MGAM: variants seen among roughly 807,000 people sequenced by gnomAD.
MGAM encodes alpha-1,4-glucosidase.
In MGAM, 253 loss-of-function variants were observed where a neutral mutation model predicts 358.8. That is an observed-to-expected ratio of 0.71 (90% confidence interval 0.64 to 0.78). The LOEUF is 0.78. MGAM is among the 30% of genes least tolerant of loss of function. The probability of loss-of-function intolerance (pLI) is 0.00; values close to 1 mark genes in which losing one functional copy is unlikely to be tolerated. For missense variants in MGAM, 3,080 were observed against 3,432.6 expected, an observed-to-expected ratio of 0.90 and a Z score of 2.57; for synonymous variants, 1,105 against 1,227.1, an observed-to-expected ratio of 0.90 and a Z score of 2.08.
chr7:142,084,859 AG>A (rs1254994056), intron 54 of MGAM, among the ~76,000 whole-genome samples: 1 of 146,564 alleles, frequency 6.8e-6, no homozygotes, highest in Non-Finnish European at 1.5e-5. Context: ...GATTTCCCAG[AG>A]GGGGAGATAA....
At chr7:142,045,178 A>AACATATGTGTATATAATATATATTATAT (rs1809940144) in intron 21 of MGAM, among the ~76,000 whole-genome samples, 1 of 55,526 alleles carries the variant, frequency 1.8e-5, no homozygotes, top group Non-Finnish European at 3.3e-5. Context: ...TATATTATAT[A>AACATATGTGTATATAATATATATTATAT]ACATATATGA....
chr7:142,052,392 T>C lies in MGAM; in HGVS notation c.2904T>C (p.Pro968=), dbSNP rs752725232. Residue 968 remains proline, a synonymous_variant, in exon 25 of 71, where the codon CCT becomes CCC. Coordinates refer to ENST00000475668, the MANE Select transcript of MGAM (RefSeq NM_001365693.1). Reference sequence around the variant, plus strand: ...ATGAAGAAAAAATAGACTGTTACCCTGATGAGAATGGTGCTTCTGCCGAAA... The same window carrying C: ...ATGAAGAAAAAATAGACTGTTACCCCGATGAGAATGGTGCTTCTGCCGAAA... The part of the protein sequence containing the change: ...IRDEEKIDCY[P]DENGASAENC... The C allele has an allele frequency of 2.0e-5, 33 of 1,613,242 alleles. No individual in the cohort carries two copies. The highest frequency in any genetic ancestry group is 2.8e-5 in the Non-Finnish European group (33 of 1,179,602).
Position 142,102,629 on chromosome 7 carries a change from G to A in MGAM, c.7964-1G>A. ...ATGTTTATCTTGTTTTTTGTTTGCA[G>A]ATACCTATGGGAAAGGACTCTATTA... On this transcript the variant is annotated splice_acceptor_variant, in intron 68 of 70. Coordinates refer to ENST00000475668, the MANE Select transcript of MGAM (RefSeq NM_001365693.1). LOFTEE classifies it high-confidence loss of function. 1 of 1,613,128 alleles carries A rather than the reference G, an allele frequency of 6.2e-7. No individual in the cohort carries two copies. Among genetic ancestry groups the A allele is most frequent in the Non-Finnish European group, 8.5e-7 (1 of 1,179,520 alleles).
rs138160200 is a variant in MGAM, at chr7:142,029,902, A to G, written c.1222-460A>G. ...TTTATACAGGTAAAATTGGGATAGC[A>G]TAAACAACAAAGATGTGGGGTAGAA... On this transcript the variant is annotated intron_variant, in intron 10 of 70. Transcript: ENST00000475668. Among the ~76,000 whole-genome samples the G allele has an allele frequency of 6.6e-3, 1,003 of 152,364 alleles. 11 individuals carry two copies. Among genetic ancestry groups the G allele is most frequent in the African/African-American group, 0.023 (957 of 41,588 alleles).
intron 2 of MGAM, among the ~76,000 whole-genome samples, chr7:142,007,635 G>T (rs1554452885): frequency 6.6e-6 from 1 of 152,036 alleles, no homozygotes; most frequent in African/African-American, 2.4e-5. Flanking sequence ...TTAATTTATT[G>T]CAGAATACCT....
chr7:142,002,718 G>A (rs781864851), intron 1 of MGAM, among the ~76,000 whole-genome samples: 3 of 151,996 alleles, frequency 2.0e-5, no homozygotes, highest in Non-Finnish European at 4.4e-5. Context: ...TATAGTACTG[G>A]GAGTCCTAGC....
chr7:142,044,921 C>A (rs1466099927), intron 21 of MGAM, among the ~76,000 whole-genome samples: 17 of 84,002 alleles, frequency 2.0e-4, no homozygotes, highest in African/African-American at 7.4e-4. Context: ...ATATTATATA[C>A]ACGTGTAATA....
At chr7:142,090,645 T>C (rs1009058349) in intron 57 of MGAM, among the ~76,000 whole-genome samples, 1 of 145,882 alleles carries the variant, frequency 6.9e-6, no homozygotes, top group Non-Finnish European at 1.6e-5. Flanking sequence ...GTGTAAGAAC[T>C]GGAGTTCCCC....
rs868844909 is a variant in MGAM, at chr7:142,041,976, A to G, written c.2498+1130A>G. ...TATATATAATATATATATATTATAT[A>G]TATATAATATAATATATATATATTA... is the stretch of plus-strand genomic sequence containing the variant. On this transcript the variant is annotated intron_variant, in intron 21 of 70. Transcript: ENST00000475668. Among the ~76,000 whole-genome samples, 201 of 26,472 alleles carry G rather than the reference A, an allele frequency of 7.6e-3. 4 individuals carry two copies. The highest frequency in any genetic ancestry group is 0.035 in the South Asian group (31 of 896). The allele number at this position is 26,472 out of a possible 152,430, so 17.4% of individuals were successfully genotyped here. A position where few individuals can be genotyped will look rare whatever the true frequency, so the allele number is the denominator to read the frequency against.
At chr7:142,065,985 A>G (rs1437186931) in intron 40 of MGAM, among the ~76,000 whole-genome samples, 154 bp downstream of exon 40, 1 of 136,178 alleles carries the variant, frequency 7.3e-6, no homozygotes, top group African/African-American at 2.5e-5. Context: ...TTTTTGAAAC[A>G]GGGATTTACT....
intron 26 of MGAM, among the ~76,000 whole-genome samples, chr7:142,053,734 G>A (rs922521113): frequency 2.6e-5 from 4 of 152,142 alleles, no homozygotes; most frequent in Admixed American, 1.3e-4. Flanking sequence ...AGTGAAAGTG[G>A]TCAGGACATT....
At chr7:142,055,497 C>T (rs1236117038) in intron 27 of MGAM, 61 bp from the exon 28 acceptor site, 2 of 1,604,180 alleles carry the variant, frequency 1.2e-6, no homozygotes, top group East Asian at 2.2e-5. Context: ...TGAAAAGTCA[C>T]CTGCTGGAAA....
In MGAM at chr7:142,055,605, G is replaced by A. The variant is rs370241545; in HGVS notation, c.3362G>A (p.Arg1121His). Residue 1121 changes from arginine to histidine, a missense_variant, in exon 28 of 71, where the codon CGC (arginine) becomes CAC (histidine). This residue lies in a region of MGAM where 1,816 missense variants were observed against 1,840.5 expected (regional missense o/e 0.99). Coordinates refer to ENST00000475668, the MANE Select transcript of MGAM (RefSeq NM_001365693.1). The part of the protein sequence containing the change: ...LGFTFSDMFI[R>H]ISTRLPSKYL... ...TTTACCTTCAGTGACATGTTTATCC[G>A]CATCTCCACCCGCCTTCCCTCCAAG... 52 of 1,613,830 alleles carry A rather than the reference G, an allele frequency of 3.2e-5. No individual in the cohort carries two copies. The highest frequency in any genetic ancestry group is 1.6e-4 in the African/African-American group (12 of 74,992).
At chr7:142,037,128 A>AATCT (rs556829106) in intron 18 of MGAM, among the ~76,000 whole-genome samples, 151 bp downstream of exon 18, 17 of 152,258 alleles carry the variant, frequency 1.1e-4, no homozygotes, top group Admixed American at 3.9e-4. Flanking sequence ...TATATTCATT[A>AATCT]ATCTATCTAT....
rs376275674 is a variant in MGAM at position 142,032,899 on chromosome 7, A to T, written c.1659A>T (p.Pro553=). 1.5e-4 allele frequency: 238 copies of T among 1,605,846 alleles called. No individual in the cohort carries two copies. The highest frequency in any genetic ancestry group is 2.0e-4 in the Non-Finnish European group (233 of 1,175,162). Residue 553 remains proline (P), a synonymous_variant, in exon 14 of 71, where the codon CCA becomes CCT. Coordinates refer to ENST00000475668, the MANE Select transcript of MGAM (RefSeq NM_001365693.1). ...CCACAAACAACCTAAATAATCCCCCATTCACTCCCAGTAAGTCTTGGTGGT... is the reference window on the plus strand; with the variant it reads ...CCACAAACAACCTAAATAATCCCCCTTTCACTCCCAGTAAGTCTTGGTGGT... ...GCSTNNLNNP[P]FTPRILDGYL... is the part of the protein sequence containing the mutation.
chr7:142,054,992 T>A, intron 27 of MGAM, 84 bp downstream of exon 27: 1 of 1,387,288 alleles, frequency 7.2e-7, no homozygotes, highest in African/African-American at 1.4e-5. Context: ...GTATCCTGGT[T>A]CAAAACATCA....
chr7:142,052,537 T>TA, intron 25 of MGAM, 91 bp downstream of exon 25: 13 of 1,505,148 alleles, frequency 8.6e-6, no homozygotes, highest in Non-Finnish European at 1.1e-5. Flanking sequence ...CATAACTACT[T>TA]AAAATCCATA....
At chr7:142,044,086 A>G (rs140322242) in intron 21 of MGAM, among the ~76,000 whole-genome samples, 1,267 of 99,148 alleles carry the variant, frequency 0.013, 108 homozygotes, top group Middle Eastern at 0.024. Context: ...CATTATATAC[A>G]CATACGACGT....
At chr7:141,990,640 AC>A (rs781964964) in intron 2 of MGAM, among the ~76,000 whole-genome samples, 4 of 150,310 alleles carry the variant, frequency 2.7e-5, no homozygotes, top group Non-Finnish European at 6.0e-5. Context: ...AGTTTCTAAA[AC>A]AGGTTCTGTT....
Sources: allele counts gnomAD v4.1 joint callset (sites outside exome capture counted in the v4.1 genomes callset), GRCh38; gene constraint gnomAD v4.1.1; regional missense constraint gnomAD v4.1.1; transcripts MANE v1.5; gene names NCBI Gene and HGNC (gene_info 2026-07-23, HGNC 2026-07-21).